The following VDR variants were observed in gnomAD, a reference collection of about 807,000 sequenced individuals.
VDR encodes vitamin D receptor, also known as vitamin D3 receptor.
Under a neutral mutation model 39.7 loss-of-function variants are expected in VDR, and 19 were observed. That is an observed-to-expected ratio of 0.48 (90% confidence interval 0.33 to 0.70). The LOEUF (loss-of-function observed/expected upper bound fraction) is 0.70. Among genes scored for constraint, VDR ranks in the 30% least tolerant of loss-of-function variants. VDR has a pLI of 0.02. For missense variants in VDR, 442 were observed against 570.5 expected, an observed-to-expected ratio of 0.77 and a Z score of 2.29; for synonymous variants, 242 against 215.8, an observed-to-expected ratio of 1.12 and a Z score of -1.07.
At chr12:47,867,697 C>T (rs950465642) in intron 3 of VDR, among the ~76,000 whole-genome samples, 7 of 152,224 alleles carry the variant, frequency 4.6e-5, no homozygotes, top group African/African-American at 1.7e-4. Flanking sequence ...CAAGGAACTG[C>T]TGAGTGTGAA....
chr12:47,854,280 C>A (rs1171456459), intron 7 of VDR, among the ~76,000 whole-genome samples: 1 of 152,000 alleles, frequency 6.6e-6, no homozygotes, highest in Non-Finnish European at 1.5e-5. Flanking sequence ...TGCAACCACA[C>A]CTGGCTAATT....
At chr12:47,871,313 T>TCTTC (rs1491564351) in intron 3 of VDR, among the ~76,000 whole-genome samples, 7 of 135,694 alleles carry the variant, frequency 5.2e-5, no homozygotes, top group African/African-American at 1.7e-4. Flanking sequence ...TTTCTTTCTT[T>TCTTC]CTTTCTTTCT....
intron 3 of VDR, 186 bp downstream of exon 3, chr12:47,878,782 G>C: frequency 1.1e-6 from 1 of 901,550 alleles, no homozygotes. Context: ...GGAACATCTG[G>C]AGCTGAGAGG....
In VDR at chr12:47,845,015, C is replaced by T. The variant is rs369885632; in HGVS notation, c.1025-10G>A. The T allele has an allele frequency of 2.7e-5, 44 of 1,610,612 alleles. No homozygotes were observed. Among genetic ancestry groups the T allele is most frequent in the African/African-American group, 6.7e-5 (5 of 74,960 alleles). ...TGCACCCCAGGACGATCTGTGGGCACGGGGATAGAGAAGAAGGCACAGGAG... is the reference window on the plus strand; with the variant it reads ...TGCACCCCAGGACGATCTGTGGGCATGGGGATAGAGAAGAAGGCACAGGAG... On this transcript the variant is annotated splice_polypyrimidine_tract_variant and intron_variant, in intron 9 of 9. Coordinates refer to ENST00000549336, the MANE Select transcript of VDR (RefSeq NM_000376.3).
Position 47,844,452 on chromosome 12 carries a change from C to T in VDR, c.*294G>A. 1.8e-6 allele frequency: 1 copy of T among 561,024 alleles called. No individual in the cohort carries two copies. The highest frequency in any genetic ancestry group is 3.2e-6 in the Non-Finnish European group (1 of 311,462). 34.8% of individuals were successfully genotyped at this position (561,024 alleles called of 1,614,324 possible). ...GCAGCCACTTAGGCAGCGGTGGAGGCATCTCTGGGCAAGGCCCTGCCTCCA... is the reference window on the plus strand; with the variant it reads ...GCAGCCACTTAGGCAGCGGTGGAGGTATCTCTGGGCAAGGCCCTGCCTCCA... On this transcript the variant is annotated 3_prime_UTR_variant, in exon 10 of 10. Coordinates refer to ENST00000549336, the MANE Select transcript of VDR (RefSeq NM_000376.3).
chr12:47,876,970 T>A (rs922143816), intron 3 of VDR, among the ~76,000 whole-genome samples: 2 of 152,226 alleles, frequency 1.3e-5, no homozygotes, highest in Non-Finnish European at 2.9e-5. Flanking sequence ...AGAGACTCCA[T>A]AACCAAATGC....
intron 2 of VDR, among the ~76,000 whole-genome samples, chr12:47,882,339 T>C (rs1946166893): frequency 6.6e-6 from 1 of 152,136 alleles, no homozygotes; most frequent in South Asian, 2.1e-4. Flanking sequence ...TGTCCAAGCC[T>C]CTGTGGCTTG....
chr12:47,855,364 A>AAATAAATT (rs1410189683), intron 7 of VDR, among the ~76,000 whole-genome samples: 2 of 151,244 alleles, frequency 1.3e-5, no homozygotes, highest in African/African-American at 4.9e-5. Flanking sequence ...ATAAATAAAT[A>AAATAAATT]AATAAATTAG....
At chr12:47,904,044 C>G (rs1426003121) in intron 1 of VDR, among the ~76,000 whole-genome samples, 1 of 151,982 alleles carries the variant, frequency 6.6e-6, no homozygotes, top group East Asian at 1.9e-4. Flanking sequence ...TTGGCTGCAA[C>G]TGAGCCCAGA....
At chr12:47,884,335 G>A (rs1946215620) in intron 1 of VDR, among the ~76,000 whole-genome samples, 1 of 152,202 alleles carries the variant, frequency 6.6e-6, no homozygotes, top group Admixed American at 6.5e-5. Context: ...CAACAGTTCT[G>A]TGAGGCAGGG....
intron 4 of VDR, among the ~76,000 whole-genome samples, chr12:47,863,100 C>G (rs1472654966): frequency 6.6e-6 from 1 of 152,178 alleles, no homozygotes; most frequent in Admixed American, 6.5e-5. Flanking sequence ...GGGTTCCCAC[C>G]ACGTGGTAGG....
intron 3 of VDR, among the ~76,000 whole-genome samples, chr12:47,875,410 GTGT>G (rs1945980030): frequency 6.6e-6 from 1 of 152,202 alleles, no homozygotes; most frequent in South Asian, 2.1e-4. Flanking sequence ...TGTCATCTCT[GTGT>G]TCCCAAGGAT....
At chr12:47,846,103 C>T (rs1945274067) in intron 9 of VDR, among the ~76,000 whole-genome samples, 1 of 152,218 alleles carries the variant, frequency 6.6e-6, no homozygotes, top group African/African-American at 2.4e-5. Context: ...TCCTCAGAAT[C>T]CCCCCTACGA....
chr12:47,845,101 G>A (rs762656910), intron 9 of VDR, 96 bp from the exon 10 acceptor site: 16 of 1,573,530 alleles, frequency 1.0e-5, no homozygotes, highest in African/African-American at 4.1e-5. Flanking sequence ...GACACTCAAC[G>A]GCAGCACCCC....
chr12:47,899,932 C>T lies in VDR; in HGVS notation c.-84+5023G>A, dbSNP rs569399981. Reference sequence around the variant, plus strand: ...CAGAGGAGGCTAGAGTCCATTTCTCCGTCCAGCTGGGCTAGGTTCAGGAGC... The same window carrying T: ...CAGAGGAGGCTAGAGTCCATTTCTCTGTCCAGCTGGGCTAGGTTCAGGAGC... On this transcript the variant is annotated intron_variant, in intron 1 of 9. Coordinates refer to ENST00000549336, the MANE Select transcript of VDR (RefSeq NM_000376.3). 6.1e-6 allele frequency: 6 copies of T among 985,612 alleles called. No individual in the cohort carries two copies. In the South Asian group the frequency reaches 1.4e-4, roughly 23 times the overall value. The allele number at this position is 985,612 out of a possible 1,614,324, so 61.1% of individuals were successfully genotyped here.
intron 3 of VDR, among the ~76,000 whole-genome samples, chr12:47,866,924 A>G (rs1945747138): frequency 1.3e-5 from 2 of 152,132 alleles, no homozygotes; most frequent in African/African-American, 2.4e-5. Flanking sequence ...TGAACCCAGG[A>G]GGTAGAGGTT....
intron 3 of VDR, among the ~76,000 whole-genome samples, chr12:47,878,339 C>T (rs1946050297): frequency 1.3e-5 from 2 of 152,188 alleles, no homozygotes; most frequent in African/African-American, 4.8e-5. Flanking sequence ...TTTCCCACAC[C>T]TTTCACATCT....
At chr12:47,857,812 T>A in intron 4 of VDR, 124 bp from the exon 5 acceptor site, 1 of 1,071,680 alleles carries the variant, frequency 9.3e-7, no homozygotes, top group South Asian at 1.6e-5. Context: ...CCCTCGGGGG[T>A]CCTCCTGCCA....
intron 4 of VDR, among the ~76,000 whole-genome samples, chr12:47,860,847 T>G (rs984314243): frequency 2.0e-5 from 3 of 152,144 alleles, no homozygotes; most frequent in African/African-American, 7.2e-5. Flanking sequence ...GAAGTTCTGG[T>G]GATCAAGTTT....
Sources: allele counts gnomAD v4.1 joint callset (sites outside exome capture counted in the v4.1 genomes callset), GRCh38; gene constraint gnomAD v4.1.1; transcripts MANE v1.5; gene names NCBI Gene and HGNC (gene_info 2026-07-23, HGNC 2026-07-21).